NR4A1: variants seen among roughly 807,000 people sequenced by gnomAD.
NR4A1 encodes the protein nuclear receptor subfamily 4immunitygroup A member 1.
Under a neutral mutation model 47.5 loss-of-function variants are expected in NR4A1, and 24 were observed. That is an observed-to-expected ratio of 0.50 (90% CI 0.37 to 0.71). The LOEUF is 0.71. Ranked by LOEUF, NR4A1 falls within the 30% of genes least tolerant of loss-of-function variation. NR4A1 has a pLI of 0.00. For synonymous variants in NR4A1, 353 were observed against 345.7 expected (o/e 1.02, Z -0.24); for missense variants, 669 against 788.6 (o/e 0.85, Z 1.82).
intron 1 of NR4A1, among the ~76,000 whole-genome samples, chr12:52,033,134 C>T (rs192680684): frequency 6.6e-6 from 1 of 152,328 alleles, no homozygotes; most frequent in Admixed American, 6.5e-5. Context: ...GCTGCGGCTC[C>T]CTCCGGACTG....
chr12:52,039,633 G>A (rs1032922479), intron 1 of NR4A1, among the ~76,000 whole-genome samples: 3 of 152,230 alleles, frequency 2.0e-5, no homozygotes, highest in Non-Finnish European at 2.9e-5. Flanking sequence ...ACCCTTCCAC[G>A]CACACTTACT....
At chr12:52,055,342 T>G in intron 2 of NR4A1, 138 bp downstream of exon 2, 2 of 1,144,910 alleles carry the variant, frequency 1.7e-6, no homozygotes, top group Non-Finnish European at 2.4e-6. Context: ...CCCTGCCAGG[T>G]GGGCCGCCTT....
Position 52,056,651 on chromosome 12 carries a change from G to A in NR4A1, c.1158+6G>A. On this transcript the variant is annotated splice_donor_region_variant and intron_variant, in intron 4 of 6. Coordinates refer to ENST00000394825, the MANE Select transcript of NR4A1 (RefSeq NM_173157.3). ...CCAAACTGGACTACTCCAAGGTGAG[G>A]TCCCACCCCGTGTCTGCCTTGGGGA... The A allele has an allele frequency of 1.3e-6, 2 of 1,567,504 alleles. No individual in the cohort carries two copies. Among genetic ancestry groups the A allele is most frequent in the Non-Finnish European group, 1.7e-6 (2 of 1,162,898 alleles).
intron 1 of NR4A1, among the ~76,000 whole-genome samples, chr12:52,026,197 A>G (rs189621822): frequency 3.7e-4 from 57 of 152,328 alleles, no homozygotes; most frequent in African/African-American, 1.4e-3. Context: ...GTGCATGGGA[A>G]ATGTTTTATG....
At chr12:52,047,324 T>A (rs1938686881), upstream of NR4A1, among the ~76,000 whole-genome samples, 1 of 152,156 alleles carries the variant, frequency 6.6e-6, no homozygotes, top group South Asian at 2.1e-4. Context: ...AAAGTTCCAC[T>A]AGCTGGACCC....
rs1938187441 is a variant in NR4A1, at chr12:52,034,084, C to T, written c.-83-7726C>T. On this transcript the variant is annotated intron_variant, in intron 1 of 7. Transcript: ENST00000360284. ...CTGGGTCCTGTGGCTTACCTTGGCCCACTACTTCCCACCCTCAGGATCTCA... is the reference window on the plus strand; with the variant it reads ...CTGGGTCCTGTGGCTTACCTTGGCCTACTACTTCCCACCCTCAGGATCTCA... 2.0e-5 allele frequency among the ~76,000 whole-genome samples: 3 copies of T among 152,140 alleles called. No individual in the cohort carries two copies. The South Asian group carries it at 6.2e-4, about 32-fold the overall frequency.
Position 52,041,806 on chromosome 12 carries a change from G to A in NR4A1, c.-83-4G>A, listed in dbSNP as rs575157963. On this transcript the variant is annotated splice_region_variant and splice_polypyrimidine_tract_variant and intron_variant, in intron 1 of 7. Transcript: ENST00000360284. ...CTTCACTCACATCGACTCTCCCTCT[G>A]TAGGCCTCCACCATGGACAGAGGCC... 27 of 1,377,564 alleles carry A rather than the reference G, an allele frequency of 2.0e-5. No individual in the cohort carries two copies. The East Asian group carries it at 6.5e-4, about 33-fold the overall frequency. The allele number at this position is 1,377,564 out of a possible 1,614,324, so 85.3% of individuals were successfully genotyped here.
At chr12:52,054,300 C>T in intron 1 of NR4A1, 27 bp from the exon 2 acceptor site, 2 of 1,567,704 alleles carry the variant, frequency 1.3e-6, no homozygotes, top group Non-Finnish European at 1.7e-6. Flanking sequence ...CTCTCCTTTC[C>T]CTCCCTGGGG....
upstream of NR4A1, among the ~76,000 whole-genome samples, chr12:52,050,263 G>T (rs1263854249): frequency 6.6e-6 from 1 of 152,184 alleles, no homozygotes; most frequent in Non-Finnish European, 1.5e-5. Flanking sequence ...CACCGGGCAG[G>T]TGATAACTGG....
Position 52,058,675 on chromosome 12 carries a change from A to G in NR4A1, c.1541-13A>G, listed in dbSNP as rs746140220. The G allele has an allele frequency of 2.3e-5, 36 of 1,583,732 alleles. No homozygotes were observed. Among genetic ancestry groups the G allele is most frequent in the Non-Finnish European group, 2.9e-5 (34 of 1,165,640 alleles). On this transcript the variant is annotated splice_polypyrimidine_tract_variant and intron_variant, in intron 6 of 6. Coordinates refer to ENST00000394825, the MANE Select transcript of NR4A1 (RefSeq NM_173157.3). ...TTCTCAGATGTACAGCTAATCCTGT[A>G]CCCTTCCCGCAGACCGGCATGGGCT... is the stretch of plus-strand genomic sequence containing the variant.
At chr12:52,045,031 A>C (rs1358716009) in intron 2 of NR4A1, among the ~76,000 whole-genome samples, 1 of 152,232 alleles carries the variant, frequency 6.6e-6, no homozygotes, top group Non-Finnish European at 1.5e-5. Context: ...CTGTGGCCAT[A>C]GCCTGACCTC....
chr12:52,043,384 C>G (rs1938510066), intron 2 of NR4A1: 1 of 200,980 alleles, frequency 5.0e-6, no homozygotes, highest in Non-Finnish European at 1.0e-5. Context: ...GGGCAGAATT[C>G]CTTGTGTTTA....
At chr12:52,052,710 C>G in intron 1 of NR4A1, 1 of 957,972 alleles carries the variant, frequency 1.0e-6, no homozygotes. Context: ...GGGGTTGATC[C>G]GGATGTGGGA....
chr12:52,036,391 T>C (rs1938236520), intron 1 of NR4A1, among the ~76,000 whole-genome samples: 1 of 152,068 alleles, frequency 6.6e-6, no homozygotes, highest in African/African-American at 2.4e-5. Context: ...TCCTTTGGAT[T>C]GGGGAGAGCA....
intron 1 of NR4A1, chr12:52,038,436 A>C: frequency 2.6e-6 from 1 of 377,508 alleles, no homozygotes; most frequent in Non-Finnish European, 4.9e-6. Flanking sequence ...GAGGTGGTTT[A>C]TTTACAGTGA....
chr12:52,045,572 C>T (rs1209300063), intron 2 of NR4A1: 1 of 450,144 alleles, frequency 2.2e-6, no homozygotes, highest in East Asian at 7.0e-5. Context: ...ATTCTACCAG[C>T]ACTGGGCCTG....
At chr12:52,026,510 G>C (rs1027857689) in intron 1 of NR4A1, among the ~76,000 whole-genome samples, 1 of 152,120 alleles carries the variant, frequency 6.6e-6, no homozygotes, top group Non-Finnish European at 1.5e-5. Flanking sequence ...AAACTCACTG[G>C]ATCCTCACAA....
rs753202945 is a variant in NR4A1 at position 52,055,209 on chromosome 12, C to T, written c.876+5C>T. 28 of 1,610,956 alleles carry T rather than the reference C, an allele frequency of 1.7e-5. No individual in the cohort carries two copies. Among genetic ancestry groups the T allele is most frequent in the South Asian group, 1.2e-4 (11 of 91,076 alleles). On this transcript the variant is annotated splice_donor_5th_base_variant and intron_variant, in intron 2 of 6. Transcript: ENST00000394825. ...GGCTGCAAGGGCTTCTTCAAGGTAC[C>T]GCGCAGCCCCAGGTGGGGCCTTTTG...
chr12:52,058,341 G>A (rs2701122), intron 6 of NR4A1: 4,595 of 274,794 alleles, frequency 0.017, 190 homozygotes, highest in African/African-American at 0.092. Flanking sequence ...CTGGGCTGAG[G>A]GAGTGCTGAG....
Sources: gnomAD v4.1 joint callset for allele counts (sites outside exome capture counted in the v4.1 genomes callset) on GRCh38, gnomAD v4.1.1 for gene constraint, MANE v1.5 for transcripts, NCBI Gene and HGNC (gene_info 2026-07-23, HGNC 2026-07-21) for gene names.